UBE2S: variants seen among roughly 807,000 people sequenced by gnomAD.
UBE2S encodes ubiquitin conjugating enzyme E2 S, also known as ubiquitin-conjugating enzyme E2 S.
Under a neutral mutation model 12.3 loss-of-function variants are expected in UBE2S, and 3 were observed. The observed-to-expected ratio is 0.24, with a 90% CI of 0.11 to 0.63. The LOEUF (loss-of-function observed/expected upper bound fraction) is 0.63. UBE2S is among the 30% of genes least tolerant of loss of function. UBE2S has a pLI of 0.85. For synonymous variants in UBE2S, 133 were observed against 142.0 expected (o/e 0.94, Z 0.45); for missense variants, 211 against 313.9 (o/e 0.67, Z 2.48).
chr19:55,407,763 G>A lies in UBE2S; in HGVS notation c.-174C>T, dbSNP rs1016129183. The A allele has an allele frequency of 3.5e-5, 14 of 398,496 alleles. No individual in the cohort carries two copies. Among genetic ancestry groups the A allele is most frequent in the South Asian group, 1.2e-4 (1 of 8,220 alleles). 24.7% of individuals were successfully genotyped at this position (398,496 alleles called of 1,614,324 possible). A position where few individuals can be genotyped will look rare whatever the true frequency, so the allele number is the denominator to read the frequency against. On this transcript the variant is annotated 5_prime_UTR_variant, in exon 1 of 4. Transcript: ENST00000264552. ...CGCGCACAGCGTAGACCAACCCGCC[G>A]CCCCGGTGCCCGGCAGCACTGAGCC...
intron 3 of UBE2S, among the ~76,000 whole-genome samples, 185 bp from the exon 4 acceptor site, chr19:55,401,947 T>C (rs2090062786): frequency 6.6e-6 from 1 of 152,216 alleles, no homozygotes; most frequent in Non-Finnish European, 1.5e-5. Context: ...CACCTTCATG[T>C]GACCTGCCTC....
At chr19:55,407,257 G>A (rs1021731203) in intron 1 of UBE2S, among the ~76,000 whole-genome samples, 1 of 141,474 alleles carries the variant, frequency 7.1e-6, no homozygotes, top group Admixed American at 7.9e-5. Context: ...GTAGGCCAGA[G>A]ATCTACTCTC....
rs2090051228 is a variant in UBE2S at position 55,400,763 on chromosome 19, G to T, written c.*673C>A. ...CAACACAAAGTCTGAAGTGGGTGTT[G>T]TTTTAAGCCGCTGGCTTTGTGATCT... On this transcript the variant is annotated 3_prime_UTR_variant, in exon 4 of 4. Transcript: ENST00000264552. 1 of 152,406 alleles carries T rather than the reference G, an allele frequency of 6.6e-6. No homozygotes were observed. The highest frequency in any genetic ancestry group is 1.5e-5 in the Non-Finnish European group (1 of 68,160). 9.4% of individuals were successfully genotyped at this position (152,406 alleles called of 1,614,324 possible).
In UBE2S at chr19:55,400,269, T is replaced by C. The variant is rs1163063326; in HGVS notation, c.*1167A>G. ...TTAACTCCTGGCCTCAAGTGATCCTTTCACCTCCTAAAGTTGGGATTACAG... is the reference window on the plus strand; with the variant it reads ...TTAACTCCTGGCCTCAAGTGATCCTCTCACCTCCTAAAGTTGGGATTACAG... On this transcript the variant is annotated 3_prime_UTR_variant, in exon 4 of 4. Coordinates refer to ENST00000264552, the MANE Select transcript of UBE2S (RefSeq NM_014501.3). 1.3e-5 allele frequency: 2 copies of C among 152,228 alleles called. No homozygotes were observed. Among genetic ancestry groups the C allele is most frequent in the Admixed American group, 1.3e-4 (2 of 15,280 alleles). 9.4% of individuals were successfully genotyped at this position (152,228 alleles called of 1,614,324 possible).
chr19:55,407,747 C>A lies in UBE2S; in HGVS notation c.-158G>T. 2.1e-6 allele frequency: 1 copy of A among 470,070 alleles called. No homozygotes were observed. The highest frequency in any genetic ancestry group is 9.8e-5 in the South Asian group (1 of 10,160). 29.1% of individuals were successfully genotyped at this position (470,070 alleles called of 1,614,324 possible). A position where few individuals can be genotyped will look rare whatever the true frequency, so the allele number is the denominator to read the frequency against. Reference sequence around the variant, plus strand: ...TGCCTCCGACGTCCGCCGCGCACAGCGTAGACCAACCCGCCGCCCCGGTGC... The same window carrying A: ...TGCCTCCGACGTCCGCCGCGCACAGAGTAGACCAACCCGCCGCCCCGGTGC... On this transcript the variant is annotated 5_prime_UTR_variant, in exon 1 of 4. Transcript: ENST00000264552.
Position 55,401,651 on chromosome 19 carries a change from T to C in UBE2S, c.454A>G (p.Thr152Ala). The C allele has an allele frequency of 6.2e-7, 1 of 1,609,574 alleles. No homozygotes were observed. Among genetic ancestry groups the C allele is most frequent in the Non-Finnish European group, 8.5e-7 (1 of 1,178,678 alleles). The change falls in exon 4 of 4, where the codon ACA (threonine) becomes GCA (alanine). Residue 152 changes from threonine (T) to alanine (A), a missense_variant. Transcript: ENST00000264552. ...CCGCCGGCGCCCCCGTGGATCTCTG[T>C]GAGCAGACGGGCCCGAGCCGCATAC... ...EEYAARARLL[T>A]EIHGGAGGPS...
intron 3 of UBE2S, among the ~76,000 whole-genome samples, chr19:55,403,492 CAAAA>C (rs919214091): frequency 2.1e-5 from 3 of 145,208 alleles, no homozygotes; most frequent in Non-Finnish European, 3.0e-5. Flanking sequence ...ATCTTTAAAA[CAAAA>C]AGAAAGAAAG....
rs2090105727 is a variant in UBE2S, at chr19:55,407,678, C to T, written c.-89G>A. The T allele has an allele frequency of 3.6e-6, 4 of 1,117,920 alleles. No individual in the cohort carries two copies. Among genetic ancestry groups the T allele is most frequent in the East Asian group, 3.3e-5 (1 of 30,446 alleles). The allele number at this position is 1,117,920 out of a possible 1,614,324, so 69.3% of individuals were successfully genotyped here. The stretch of plus-strand genomic sequence containing the variant: ...GGGGCGGGGGGCCCAACTGCTGCCG[C>T]TGCGGCCCTGGAGAGGCCCCGGCGG... On this transcript the variant is annotated 5_prime_UTR_variant, in exon 1 of 4. Coordinates refer to ENST00000264552, the MANE Select transcript of UBE2S (RefSeq NM_014501.3).
intron 1 of UBE2S, 76 bp downstream of exon 1, chr19:55,407,511 G>A (rs1216950127): frequency 2.0e-6 from 3 of 1,480,080 alleles, no homozygotes; most frequent in East Asian, 5.6e-5. Flanking sequence ...GCCGCCCGTC[G>A]GAGGCCCCTG....
In UBE2S at chr19:55,401,541, C is replaced by A; in HGVS notation, c.564G>T (p.Pro188=). Residue 188 remains proline (P), a synonymous_variant, in exon 4 of 4, where the codon CCG becomes CCT. Transcript: ENST00000264552. Reference sequence around the variant, plus strand: ...TGGCCATGGGACCCTCAGCCCCTCCCGGGCCCCCTGGGGCCCCAGGGTCGG... The same window carrying A: ...TGGCCATGGGACCCTCAGCCCCTCCAGGGCCCCCTGGGGCCCCAGGGTCGG... ...SSTDPGAPGG[P]GGAEGPMAKK... 1 of 1,610,658 alleles carries A rather than the reference C, an allele frequency of 6.2e-7. No homozygotes were observed. The highest frequency in any genetic ancestry group is 2.2e-5 in the East Asian group (1 of 44,844).
intron 3 of UBE2S, chr19:55,402,945 TGC>T: frequency 6.6e-7 from 1 of 1,524,236 alleles, no homozygotes; most frequent in Admixed American, 2.1e-5. Flanking sequence ...TTTTTCAGCT[TGC>T]GGGAAGGGTT....
At chr19:55,401,832 G>C (rs544579193) in intron 3 of UBE2S, 70 bp from the exon 4 acceptor site, 1 of 1,549,424 alleles carries the variant, frequency 6.5e-7, no homozygotes, top group Non-Finnish European at 8.8e-7. Context: ...CCACAAGAGG[G>C]TGGCCTCCGC....
chr19:55,403,300 T>A lies in UBE2S; in HGVS notation c.342+988A>T, dbSNP rs1233637091. On this transcript the variant is annotated intron_variant, in intron 3 of 3. Transcript: ENST00000264552. Reference sequence around the variant, plus strand: ...AGCTCAGCTTTAGCAAAAAAGCCTCTAATGAGACCCCATCTCTGCAAACCA... The same window carrying A: ...AGCTCAGCTTTAGCAAAAAAGCCTCAAATGAGACCCCATCTCTGCAAACCA... 7.0e-6 allele frequency: 4 copies of A among 570,258 alleles called. No individual in the cohort carries two copies. In the African/African-American group the frequency reaches 7.5e-5, roughly 11 times the overall value. The allele number at this position is 570,258 out of a possible 1,614,324, so 35.3% of individuals were successfully genotyped here. A position where few individuals can be genotyped will look rare whatever the true frequency, so the allele number is the denominator to read the frequency against.
chr19:55,402,887 TC>T (rs1299222065), intron 3 of UBE2S: 1 of 1,439,012 alleles, frequency 6.9e-7, no homozygotes, highest in African/African-American at 1.4e-5. Context: ...CCCCACCCTC[TC>T]TGCCATGTGC....
chr19:55,407,616 C>G lies in UBE2S; in HGVS notation c.-27G>C, dbSNP rs1200622861. The G allele has an allele frequency of 7.3e-7, 1 of 1,378,130 alleles. No individual in the cohort carries two copies. Among genetic ancestry groups the G allele is most frequent in the Non-Finnish European group, 9.4e-7 (1 of 1,067,904 alleles). The allele number at this position is 1,378,130 out of a possible 1,614,324, so 85.4% of individuals were successfully genotyped here. On this transcript the variant is annotated 5_prime_UTR_variant, in exon 1 of 4. Coordinates refer to ENST00000264552, the MANE Select transcript of UBE2S (RefSeq NM_014501.3). ...GCTGCGGCCGGCCGGGGGCGGGTCC[C>G]CCCGGCCCCCTTCCTGCGTTCTTCG...
intron 2 of UBE2S, among the ~76,000 whole-genome samples, chr19:55,405,433 C>G (rs1184269457): frequency 2.0e-5 from 3 of 152,002 alleles, no homozygotes; most frequent in Non-Finnish European, 4.4e-5. Context: ...TGCTTGAACC[C>G]AGGAGGCAGA....
Position 55,401,507 on chromosome 19 carries a change from C to T in UBE2S, c.598G>A (p.Ala200Thr). The change falls in exon 4 of 4, where the codon GCT becomes ACT. Residue 200 changes from alanine (A) to threonine (T), a missense_variant. Physicochemically the swap from Ala to Thr is moderately conservative, Grantham distance 58. Coordinates refer to ENST00000264552, the MANE Select transcript of UBE2S (RefSeq NM_014501.3). ...GCCAGCTTCTTATCGCGCTCGCCAG[C>T]ATGCTTCTTGGCCATGGGACCCTCA... Reference protein sequence around the residue: ...GAEGPMAKKHAGERDKKLAAK... With the variant: ...GAEGPMAKKHTGERDKKLAAK... 6.2e-7 allele frequency: 1 copy of T among 1,610,126 alleles called. No homozygotes were observed. The highest frequency in any genetic ancestry group is 2.2e-5 in the East Asian group (1 of 44,840).
chr19:55,403,387 G>C (rs748543962), intron 3 of UBE2S: 191 of 371,918 alleles, frequency 5.1e-4, no homozygotes, highest in Non-Finnish European at 5.7e-4. Flanking sequence ...CATTCAGGAA[G>C]CTGAGGCAGG....
In UBE2S at chr19:55,404,555, C is replaced by A; in HGVS notation, c.152-77G>T. The A allele has an allele frequency of 7.4e-7, 1 of 1,355,962 alleles. No individual in the cohort carries two copies. Among genetic ancestry groups the A allele is most frequent in the Non-Finnish European group, 1.0e-6 (1 of 999,712 alleles). 84.0% of individuals were successfully genotyped at this position (1,355,962 alleles called of 1,614,324 possible). On this transcript the variant is annotated intron_variant, in intron 2 of 3. Coordinates refer to ENST00000264552, the MANE Select transcript of UBE2S (RefSeq NM_014501.3). The surrounding 1 kb of genome is among the most constrained non-coding windows in gnomAD (Gnocchi z 4.4). ...CCTCAACACCCCAAAGTCCAGTCTC[C>A]ACGGTCTGATTGTGATGCAGGTGGG...
Sources: allele counts gnomAD v4.1 joint callset (sites outside exome capture counted in the v4.1 genomes callset), GRCh38; gene constraint gnomAD v4.1.1; non-coding constraint Gnocchi (gnomAD v3.1); transcripts MANE v1.5; gene names NCBI Gene and HGNC (gene_info 2026-07-23, HGNC 2026-07-21).